The following PARG variants were observed in gnomAD, a reference collection of about 807,000 sequenced individuals.
The protein encoded by PARG is mitochondrial poly(ADP-ribose) glycohydrolase.
A neutral mutation model predicts 113.0 loss-of-function variants in PARG; 35 were observed. That is an observed-to-expected ratio of 0.31 (90% CI 0.24 to 0.41). PARG has a LOEUF of 0.41. Among genes scored for constraint, PARG ranks in the 10% least tolerant of loss-of-function variants. The pLI, the probability that PARG is intolerant of heterozygous loss-of-function variation, is 1.00. For synonymous variants in PARG, 330 were observed against 409.9 expected (o/e 0.81, Z 2.36); for missense variants, 797 against 1,169.4 (o/e 0.68, Z 4.64).
chr10:49,910,895 G>A (rs2664456), intron 7 of PARG, among the ~76,000 whole-genome samples: 12 of 151,752 alleles, frequency 7.9e-5, no homozygotes, highest in East Asian at 3.9e-4. Context: ...TTAAAAATAC[G>A]TCCCCCATGC....
chr10:49,937,424 G>C (rs1284269659), intron 1 of PARG, among the ~76,000 whole-genome samples: 7 of 151,260 alleles, frequency 4.6e-5, no homozygotes, highest in Non-Finnish European at 7.4e-5. Context: ...TGCAGTGAGC[G>C]GAGATCGCGC....
At position 49,878,038 on chromosome 10, in the gene PARG, G is replaced by A. The variant is rs3860184; in HGVS notation, c.1988+1635C>T. ...CACTACCTTCGCCAACTGATCACCA[G>A]TAATAAGAAGTATCATGATCCCCCT... is the stretch of plus-strand genomic sequence containing the variant. On this transcript the variant is annotated intron_variant, in intron 9 of 17. Coordinates refer to ENST00000616448, the MANE Select transcript of PARG (RefSeq NM_003631.5). 1.5e-3 allele frequency among the ~76,000 whole-genome samples: 156 copies of A among 100,866 alleles called. 3 individuals are homozygous for A. The South Asian group carries it at 0.041, about 26-fold the overall frequency. 66.2% of individuals were successfully genotyped at this position (100,866 alleles called of 152,430 possible). A position where few individuals can be genotyped will look rare whatever the true frequency, so the allele number is the denominator to read the frequency against.
intron 10 of PARG, among the ~76,000 whole-genome samples, chr10:49,868,391 C>A (rs1449353714): frequency 1.3e-5 from 2 of 152,178 alleles, no homozygotes; most frequent in Non-Finnish European, 2.9e-5. Flanking sequence ...GTACAGGGCA[C>A]AAAACTGAAA....
chr10:49,881,881 T>C (rs1291195671), intron 8 of PARG, among the ~76,000 whole-genome samples: 1 of 152,228 alleles, frequency 6.6e-6, no homozygotes, highest in Non-Finnish European at 1.5e-5. Context: ...AGAGCTCATA[T>C]TGATCTCCAT....
intron 7 of PARG, among the ~76,000 whole-genome samples, chr10:49,895,965 A>C (rs1447819255): frequency 1.3e-5 from 2 of 152,232 alleles, no homozygotes; most frequent in Non-Finnish European, 2.9e-5. Flanking sequence ...CTTGCTAAAT[A>C]AATTAGTTCT....
Position 49,941,996 on chromosome 10 carries a change from G to A in PARG, c.-271C>T. 3 of 932,052 alleles carry A rather than the reference G, an allele frequency of 3.2e-6. No homozygotes were observed. The highest frequency in any genetic ancestry group is 4.9e-6 in the Non-Finnish European group (3 of 613,130). The allele number at this position is 932,052 out of a possible 1,614,324, so 57.7% of individuals were successfully genotyped here. A position where few individuals can be genotyped will look rare whatever the true frequency, so the allele number is the denominator to read the frequency against. ...ACTTTCCCACCACCGGAAAGCTGCC[G>A]TCAGGCGCTTCCGGCTTCCGGGGCG... is the stretch of plus-strand genomic sequence containing the variant. On this transcript the variant is annotated 5_prime_UTR_variant, in exon 1 of 18. In the 5' UTR this introduces an upstream ATG that the reference lacks. Transcript: ENST00000616448.
intron 16 of PARG, among the ~76,000 whole-genome samples, chr10:49,828,477 A>T (rs2132378447): frequency 6.6e-6 from 1 of 152,270 alleles, no homozygotes; most frequent in East Asian, 1.9e-4. Context: ...CAGGTCAGGT[A>T]GGAGACCACA....
chr10:49,912,347 C>T (rs1340393948), intron 7 of PARG, among the ~76,000 whole-genome samples: 2 of 151,998 alleles, frequency 1.3e-5, no homozygotes, highest in Non-Finnish European at 2.9e-5. Context: ...TTGCGAAACC[C>T]TGCTAATAAA....
intron 4 of PARG, among the ~76,000 whole-genome samples, chr10:49,928,842 C>T (rs1261188572): frequency 6.6e-6 from 1 of 152,144 alleles, no homozygotes; most frequent in Non-Finnish European, 1.5e-5. Context: ...CTATTAACAT[C>T]TGGAATCTTA....
At chr10:49,938,823 G>A (rs1350484209) in intron 1 of PARG, among the ~76,000 whole-genome samples, 4 of 151,842 alleles carry the variant, frequency 2.6e-5, no homozygotes, top group Admixed American at 6.6e-5. Context: ...TCGCTACCCC[G>A]CCTACTTGTC....
intron 15 of PARG, among the ~76,000 whole-genome samples, chr10:49,837,931 A>G (rs926693211): frequency 6.6e-6 from 1 of 152,216 alleles, no homozygotes; most frequent in Non-Finnish European, 1.5e-5. Context: ...TATATCAAAC[A>G]GAAAAGCCAT....
chr10:49,923,679 T>C (rs1178911450), intron 4 of PARG, among the ~76,000 whole-genome samples: 5 of 151,536 alleles, frequency 3.3e-5, no homozygotes, highest in African/African-American at 1.2e-4. Flanking sequence ...ACCCAATAGA[T>C]AGAAAAATCT....
intron 7 of PARG, among the ~76,000 whole-genome samples, chr10:49,886,104 A>T (rs1469148594): frequency 6.6e-6 from 1 of 152,228 alleles, no homozygotes. Context: ...CTCAGTTATA[A>T]TCTGGTCTGA....
intron 16 of PARG, among the ~76,000 whole-genome samples, chr10:49,830,427 G>C (rs1844601073): frequency 6.6e-6 from 1 of 152,148 alleles, no homozygotes; most frequent in South Asian, 2.1e-4. Context: ...AGCATAAAGG[G>C]ACAGGAAACA....
At chr10:49,852,601 G>C (rs1345812433) in intron 13 of PARG, among the ~76,000 whole-genome samples, 2 of 146,586 alleles carry the variant, frequency 1.4e-5, no homozygotes, top group Non-Finnish European at 3.0e-5. Context: ...GTCTCACTCT[G>C]TCACTCAGGC....
At chr10:49,874,563 T>C (rs1253989247) in intron 9 of PARG, among the ~76,000 whole-genome samples, 2 of 151,776 alleles carry the variant, frequency 1.3e-5, no homozygotes, top group African/African-American at 2.4e-5. Context: ...TTAAAATATA[T>C]AATAAAATTG....
At chr10:49,845,891 T>C (rs1162833143) in intron 13 of PARG, among the ~76,000 whole-genome samples, 1 of 152,026 alleles carries the variant, frequency 6.6e-6, no homozygotes, top group South Asian at 2.1e-4. Context: ...AGTGAGACTT[T>C]GTCTCAAAGG....
rs1368955089 is a variant in PARG, at chr10:49,839,842, T to C, written c.2541+2108A>G. 3.9e-5 allele frequency among the ~76,000 whole-genome samples: 6 copies of C among 152,328 alleles called. No homozygotes were observed. The East Asian group carries it at 1.2e-3, about 29-fold the overall frequency. The stretch of plus-strand genomic sequence containing the variant: ...TGTATTAACTGTGGCTAAACACATT[T>C]TGGTTCTACTTTCCTTTTCCATATT... On this transcript the variant is annotated intron_variant, in intron 15 of 17. Transcript: ENST00000616448.
At chr10:49,879,532 A>T in intron 9 of PARG, 141 bp downstream of exon 9, 1 of 548,664 alleles carries the variant, frequency 1.8e-6, no homozygotes, top group South Asian at 2.5e-5. Flanking sequence ...AAATGGTGAA[A>T]ATGTCACTTA....
Sources: gnomAD v4.1 joint callset for allele counts (sites outside exome capture counted in the v4.1 genomes callset) on GRCh38, gnomAD v4.1.1 for gene constraint, MANE v1.5 for transcripts, NCBI Gene and HGNC (gene_info 2026-07-23, HGNC 2026-07-21) for gene names.